EEA1: variants seen among roughly 807,000 people sequenced by gnomAD.
EEA1 encodes early endosome antigen 1, 162kD.
A neutral mutation model predicts 209.2 loss-of-function variants in EEA1; 111 were observed. That is an observed-to-expected ratio of 0.53 (90% CI 0.45 to 0.62). The LOEUF is 0.62. Ranked by LOEUF, EEA1 falls within the 20% of genes least tolerant of loss-of-function variation. The pLI is 0.00. For missense variants in EEA1, 1,343 were observed against 1,530.8 expected, an observed-to-expected ratio of 0.88 and a Z score of 2.05; for synonymous variants, 536 against 540.6, an observed-to-expected ratio of 0.99 and a Z score of 0.12.
chr12:92,792,995 T>C (rs1337122958), intron 21 of EEA1, among the ~76,000 whole-genome samples: 1 of 152,148 alleles, frequency 6.6e-6, no homozygotes, highest in African/African-American at 2.4e-5. Flanking sequence ...AATCAATAAA[T>C]GTAATCCGTC....
intron 2 of EEA1, among the ~76,000 whole-genome samples, chr12:92,876,942 T>G (rs947254328): frequency 2.4e-4 from 33 of 136,182 alleles, no homozygotes; most frequent in Non-Finnish European, 1.8e-4. Flanking sequence ...ACCTGGGTGT[T>G]GTTTTTTTTT....
intron 7 of EEA1, 25 bp downstream of exon 7, chr12:92,852,887 G>A (rs760843919): frequency 6.5e-7 from 1 of 1,530,590 alleles, no homozygotes; most frequent in Admixed American, 1.7e-5. Flanking sequence ...TGATTTATTG[G>A]CTAAAAAATT....
chr12:92,914,482 T>C (rs1442450447), intron 1 of EEA1, among the ~76,000 whole-genome samples: 1 of 152,136 alleles, frequency 6.6e-6, no homozygotes. Context: ...ACACGAATTT[T>C]AGAATTGTTT....
intron 17 of EEA1, among the ~76,000 whole-genome samples, chr12:92,811,053 T>C (rs2136674678): frequency 6.6e-6 from 1 of 152,216 alleles, no homozygotes; most frequent in South Asian, 2.1e-4. Context: ...GGAATCAGTA[T>C]GTAAGTTGAC....
chr12:92,901,834 G>A (rs563180473), intron 1 of EEA1, among the ~76,000 whole-genome samples: 1 of 152,204 alleles, frequency 6.6e-6, no homozygotes, highest in Non-Finnish European at 1.5e-5. Context: ...CTCCTAAGGT[G>A]CTGGGATTAC....
At position 92,842,595 on chromosome 12, in the gene EEA1, A is replaced by C. The variant is rs762787476; in HGVS notation, c.799-14T>G. ...GCTTATTGTGGCCTAACAAAACAAA[A>C]CAAAACAAAAATTAAAGCAAACTAA... On this transcript the variant is annotated splice_polypyrimidine_tract_variant and intron_variant, in intron 9 of 28. Coordinates refer to ENST00000322349, the MANE Select transcript of EEA1 (RefSeq NM_003566.4). 6.9e-7 allele frequency: 1 copy of C among 1,443,136 alleles called. No individual in the cohort carries two copies. Among genetic ancestry groups the C allele is most frequent in the South Asian group, 1.2e-5 (1 of 80,100 alleles). 89.4% of individuals were successfully genotyped at this position (1,443,136 alleles called of 1,614,324 possible). A position where few individuals can be genotyped will look rare whatever the true frequency, so the allele number is the denominator to read the frequency against.
chr12:92,880,477 T>G (rs77725262), intron 2 of EEA1, among the ~76,000 whole-genome samples: 2,851 of 152,014 alleles, frequency 0.019, 96 homozygotes, highest in African/African-American at 0.063. Flanking sequence ...GCTAATTTTT[T>G]TTGTTGTTGT....
Position 92,811,403 on chromosome 12 carries a change from T to C in EEA1, c.2075A>G (p.Gln692Arg), listed in dbSNP as rs375544900. ...CTTGTCTTGTAACTTTGCAGTGACC[T>C]GATCCAACTGAGTAGTAATCTTATT... ...ELNKITTQLD[Q>R]VTAKLQDKQE... Residue 692 changes from glutamine to arginine, a missense_variant, in exon 17 of 29, where the codon CAG becomes CGG. Coordinates refer to ENST00000322349, the MANE Select transcript of EEA1 (RefSeq NM_003566.4). 13 of 1,589,286 alleles carry C rather than the reference T, an allele frequency of 8.2e-6. No individual in the cohort carries two copies. The highest frequency in any genetic ancestry group is 1.7e-4 in the Middle Eastern group (1 of 5,968).
chr12:92,860,103 A>T (rs1184586379), intron 3 of EEA1, among the ~76,000 whole-genome samples: 1 of 152,212 alleles, frequency 6.6e-6, no homozygotes, highest in African/African-American at 2.4e-5. Context: ...GCAAGGTTTT[A>T]ATTTAGTAAA....
chr12:92,845,893 G>C lies in EEA1; in HGVS notation c.799-3312C>G, dbSNP rs1877371884. Among the ~76,000 whole-genome samples, 6 of 152,064 alleles carry C rather than the reference G, an allele frequency of 3.9e-5. No individual in the cohort carries two copies. The South Asian group carries it at 1.0e-3, about 26-fold the overall frequency. On this transcript the variant is annotated intron_variant, in intron 9 of 28. Coordinates refer to ENST00000322349, the MANE Select transcript of EEA1 (RefSeq NM_003566.4). ...GAATGAGTAATTATACCTCCAAAGAGATAATAGATATTTATTTCCAAGGAA... is the reference window on the plus strand; with the variant it reads ...GAATGAGTAATTATACCTCCAAAGACATAATAGATATTTATTTCCAAGGAA...
At chr12:92,920,824 G>A (rs1392905995) in intron 1 of EEA1, among the ~76,000 whole-genome samples, 1 of 150,112 alleles carries the variant, frequency 6.7e-6, no homozygotes, top group Non-Finnish European at 1.5e-5. Context: ...CTACAAAATG[G>A]GAGAAAATTT....
At chr12:92,801,216 A>C (rs189029026) in intron 20 of EEA1, among the ~76,000 whole-genome samples, 1 of 152,232 alleles carries the variant, frequency 6.6e-6, no homozygotes, top group Non-Finnish European at 1.5e-5. Flanking sequence ...CCATGAAATA[A>C]AGGTCATTTC....
In EEA1 at chr12:92,773,683, A is replaced by G. The variant is rs1164723885; in HGVS notation, c.*2328T>C. 1 of 151,700 alleles carries G rather than the reference A, an allele frequency of 6.6e-6. No individual in the cohort carries two copies. The highest frequency in any genetic ancestry group is 2.4e-5 in the African/African-American group (1 of 41,428). The allele number at this position is 151,700 out of a possible 1,614,324, so 9.4% of individuals were successfully genotyped here. ...TGACTGACAAAATAATAGTACCAGCAAACATGTAAAATGTACAGCCAATAA... is the reference window on the plus strand; with the variant it reads ...TGACTGACAAAATAATAGTACCAGCGAACATGTAAAATGTACAGCCAATAA... On this transcript the variant is annotated 3_prime_UTR_variant, in exon 29 of 29. Transcript: ENST00000322349.
At chr12:92,826,042 C>A in intron 13 of EEA1, 124 bp downstream of exon 13, 1 of 1,042,376 alleles carries the variant, frequency 9.6e-7, no homozygotes, top group Non-Finnish European at 1.3e-6. Context: ...GTATTTTGTA[C>A]TTTCTAGTTT....
At chr12:92,923,024 G>A (rs1435995950) in intron 1 of EEA1, among the ~76,000 whole-genome samples, 1 of 149,958 alleles carries the variant, frequency 6.7e-6, no homozygotes, top group African/African-American at 2.5e-5. Context: ...TATTTTTGGA[G>A]GGTTTTTCCT....
intron 27 of EEA1, 125 bp from the exon 28 acceptor site, chr12:92,777,067 A>G: frequency 1.2e-6 from 1 of 846,968 alleles, no homozygotes; most frequent in South Asian, 1.8e-5. Flanking sequence ...TAAAATTTTA[A>G]AAATCAGAAA....
rs150226569 is a variant in EEA1, at chr12:92,788,040, C to G, written c.2977G>C (p.Glu993Gln). The change falls in exon 22 of 29, where the codon GAG becomes CAG. Residue 993 changes from glutamate to glutamine, a missense_variant. By Grantham distance (29) the Glu-to-Gln change is conservative. Transcript: ENST00000322349. ...KIAVLQKTEL[E>Q]NKLQQQLTQA... ...GTTAACTGCTGCTGTAGTTTATTCT[C>G]AAGCTCTGTCTGAAACATACAATAG... 5.6e-6 allele frequency: 9 copies of G among 1,597,968 alleles called. No homozygotes were observed. The African/African-American group carries it at 1.2e-4, about 22-fold the overall frequency.
In EEA1 at chr12:92,852,265, A is replaced by C; in HGVS notation, c.552T>G (p.Ser184Arg). 2 of 1,596,878 alleles carry C rather than the reference A, an allele frequency of 1.3e-6. No individual in the cohort carries two copies. The highest frequency in any genetic ancestry group is 1.7e-6 in the Non-Finnish European group (2 of 1,171,872). ...DIKSKYDEER[S>R]LREAAEQKVT... Reference sequence around the variant, plus strand: ...CTTTTTGTTCAGCAGCTTCTCGAAGACTCCTTTCTTCATCATACTTTGACT... The same window carrying C: ...CTTTTTGTTCAGCAGCTTCTCGAAGCCTCCTTTCTTCATCATACTTTGACT... Residue 184 changes from serine to arginine, a missense_variant, in exon 8 of 29, where the codon AGT becomes AGG. Ser to Arg is a moderately radical substitution (Grantham distance 110, BLOSUM62 -1). This residue lies in a region of EEA1 where 1,307 missense variants were observed against 1,465.5 expected (regional missense o/e 0.89). Transcript: ENST00000322349.
intron 2 of EEA1, among the ~76,000 whole-genome samples, chr12:92,877,902 A>G (rs560983987): frequency 1.1e-4 from 17 of 152,336 alleles, no homozygotes; most frequent in Middle Eastern, 3.4e-3. Context: ...TAGGAAGCCA[A>G]TGAATTTTCT....
Sources: gnomAD v4.1 joint callset for allele counts (sites outside exome capture counted in the v4.1 genomes callset) on GRCh38, gnomAD v4.1.1 for gene constraint, gnomAD v4.1.1 regional missense constraint, MANE v1.5 for transcripts, NCBI Gene and HGNC (gene_info 2026-07-23, HGNC 2026-07-21) for gene names.